Variants in CSMD3 observed in about 807,000 individuals in gnomAD.
CSMD3 encodes CUB and sushi domain-containing protein 3.
CSMD3 carries 177 observed loss-of-function variants against 435.2 expected under a neutral mutation model. That is an observed-to-expected ratio of 0.41 (90% CI 0.36 to 0.46). CSMD3 has a LOEUF of 0.46. CSMD3 is among the 20% of genes least tolerant of loss of function. The probability of loss-of-function intolerance (pLI) is 0.34; values close to 1 mark genes in which losing one functional copy is unlikely to be tolerated. For synonymous variants in CSMD3, 1,656 were observed against 1,520.5 expected, an observed-to-expected ratio of 1.09 and a Z score of -2.07; for missense variants, 4,265 against 4,504.6, an observed-to-expected ratio of 0.95 and a Z score of 1.52.
At chr8:112,422,833 G>A (rs987601031) in intron 32 of CSMD3, among the ~76,000 whole-genome samples, 1 of 152,070 alleles carries the variant, frequency 6.6e-6, no homozygotes, top group South Asian at 2.1e-4. Flanking sequence ...ATGATCAACA[G>A]CAAAAACAAG....
chr8:113,203,055 C>T (rs1478866632), intron 3 of CSMD3, among the ~76,000 whole-genome samples: 1 of 151,978 alleles, frequency 6.6e-6, no homozygotes, highest in African/African-American at 2.4e-5. Context: ...GAGTTCTGTA[C>T]TACTGTAAGA....
rs538627207 is a variant in CSMD3, at chr8:112,729,053, C to G, written c.1973-39003G>C. ...TTTATTTTTGTTAAGCTGAATATTT[C>G]TGTGGAACAAGTTTTTGAAAGTAAA... On this transcript the variant is annotated intron_variant, in intron 13 of 70. Coordinates refer to ENST00000297405, the MANE Select transcript of CSMD3 (RefSeq NM_198123.2). 4.6e-5 allele frequency among the ~76,000 whole-genome samples: 7 copies of G among 152,004 alleles called. No individual in the cohort carries two copies. The South Asian group carries it at 1.4e-3, about 31-fold the overall frequency.
chr8:112,775,671 T>C (rs1261800618), intron 13 of CSMD3, among the ~76,000 whole-genome samples: 1 of 151,890 alleles, frequency 6.6e-6, no homozygotes. Context: ...AAATGTAAGA[T>C]GTGACAAACT....
At chr8:113,216,764 G>A (rs2092910868) in intron 3 of CSMD3, among the ~76,000 whole-genome samples, 1 of 151,890 alleles carries the variant, frequency 6.6e-6, no homozygotes, top group African/African-American at 2.4e-5. Context: ...CTTTTGACCT[G>A]AGAAGCTTTA....
At chr8:113,284,510 A>G (rs1377307172) in intron 2 of CSMD3, among the ~76,000 whole-genome samples, 1 of 152,198 alleles carries the variant, frequency 6.6e-6, no homozygotes, top group Non-Finnish European at 1.5e-5. Flanking sequence ...TGTTAACCTC[A>G]AAAGTTTAAG....
chr8:112,342,293 T>C (rs1384843308), intron 41 of CSMD3, among the ~76,000 whole-genome samples: 1 of 152,108 alleles, frequency 6.6e-6, no homozygotes, highest in Non-Finnish European at 1.5e-5. Flanking sequence ...TATTGCAATG[T>C]AATCTCAATA....
chr8:112,324,580 T>TGG (rs1237202158), intron 45 of CSMD3, among the ~76,000 whole-genome samples: 1 of 149,344 alleles, frequency 6.7e-6, no homozygotes, highest in African/African-American at 2.5e-5. Flanking sequence ...GGTGTGTGTG[T>TGG]GGGTGTGTGT....
At chr8:112,290,998 CT>C (rs1266775388) in intron 56 of CSMD3, among the ~76,000 whole-genome samples, 2 of 151,940 alleles carry the variant, frequency 1.3e-5, no homozygotes, top group African/African-American at 4.8e-5. Flanking sequence ...ACAAAATGCA[CT>C]TATTAGATAT....
intron 22 of CSMD3, among the ~76,000 whole-genome samples, chr8:112,623,077 A>C (rs1834203935): frequency 6.6e-6 from 1 of 152,136 alleles, no homozygotes; most frequent in Non-Finnish European, 1.5e-5. Flanking sequence ...TCAGAACAAC[A>C]TAGAAAAATG....
chr8:113,400,809 C>T (rs532707167), intron 1 of CSMD3, among the ~76,000 whole-genome samples: 1 of 151,856 alleles, frequency 6.6e-6, no homozygotes, highest in East Asian at 1.9e-4. Flanking sequence ...TTAAATAGAG[C>T]TCCCCTAAAC....
chr8:112,229,372 T>C (rs529100549), intron 69 of CSMD3, among the ~76,000 whole-genome samples: 2 of 152,210 alleles, frequency 1.3e-5, no homozygotes, highest in South Asian at 4.2e-4. Flanking sequence ...GGCTAGACTC[T>C]AAAAGGGAAT....
intron 32 of CSMD3, among the ~76,000 whole-genome samples, chr8:112,413,392 A>C (rs1811563377): frequency 6.6e-6 from 1 of 152,218 alleles, no homozygotes; most frequent in Admixed American, 6.5e-5. Flanking sequence ...TTTGTTTTCT[A>C]TTCTCTATCA....
intron 50 of CSMD3, among the ~76,000 whole-genome samples, chr8:112,307,314 C>T (rs1586724105): frequency 6.6e-6 from 1 of 152,170 alleles, no homozygotes; most frequent in African/African-American, 2.4e-5. Context: ...CACAGTACTA[C>T]TCTTTTTCCC....
chr8:112,349,187 AG>A (rs1172971806), intron 40 of CSMD3, among the ~76,000 whole-genome samples: 6 of 152,132 alleles, frequency 3.9e-5, no homozygotes, highest in African/African-American at 1.4e-4. Flanking sequence ...TAATATCAAA[AG>A]ATGAGAAATA....
At chr8:113,374,817 G>GAAAAA (rs2094368674) in intron 1 of CSMD3, among the ~76,000 whole-genome samples, 1 of 19,254 alleles carries the variant, frequency 5.2e-5, no homozygotes, top group African/African-American at 3.6e-4. Context: ...TTGTTAAAAA[G>GAAAAA]TAAAAAAAAA....
chr8:113,419,521 G>C (rs1248309104), intron 1 of CSMD3, among the ~76,000 whole-genome samples: 2 of 152,226 alleles, frequency 1.3e-5, no homozygotes, highest in South Asian at 4.1e-4. Context: ...GCTCTGCTTG[G>C]TGTTGGGGGC....
At chr8:112,292,845 C>CTTT in intron 54 of CSMD3, 135 bp from the exon 55 acceptor site, 1 of 770,098 alleles carries the variant, frequency 1.3e-6, no homozygotes, top group Non-Finnish European at 2.2e-6. Flanking sequence ...TGGAAATATA[C>CTTT]GGAAAGTACA....
intron 23 of CSMD3, among the ~76,000 whole-genome samples, chr8:112,584,988 A>G (rs1177890033): frequency 2.0e-5 from 3 of 151,598 alleles, no homozygotes; most frequent in Admixed American, 1.3e-4. Context: ...TTCTGCTTGT[A>G]TATAACTAAA....
intron 27 of CSMD3, among the ~76,000 whole-genome samples, chr8:112,517,719 A>G (rs545258656): frequency 6.6e-6 from 1 of 152,214 alleles, no homozygotes; most frequent in African/African-American, 2.4e-5. Context: ...ATACTACTAC[A>G]TACATTTCAA....
Sources: gnomAD v4.1 joint callset for allele counts (sites outside exome capture counted in the v4.1 genomes callset) on GRCh38, gnomAD v4.1.1 for gene constraint, MANE v1.5 for transcripts, NCBI Gene and HGNC (gene_info 2026-07-23, HGNC 2026-07-21) for gene names.